Variants in LY6G5C observed in about 807,000 individuals in gnomAD.
LY6G5C encodes the protein lymphocyte antigen 6 family member G5C.
LY6G5C carries 6 observed loss-of-function variants against 10.5 expected under a neutral mutation model. The observed-to-expected ratio is 0.57, with a 90% CI of 0.31 to 1.12. The LOEUF (loss-of-function observed/expected upper bound fraction) is 1.12. LY6G5C is among the 50% of genes most tolerant of loss of function. The probability of loss-of-function intolerance (pLI) is 0.05; values close to 1 mark genes in which losing one functional copy is unlikely to be tolerated. For missense variants in LY6G5C, 160 were observed against 185.5 expected (o/e 0.86, Z 0.80); for synonymous variants, 69 against 67.8 (o/e 1.02, Z -0.09).
At position 31,679,001 on chromosome 6, in the gene LY6G5C, T is replaced by G; in HGVS notation, c.289+100A>C. 1 of 1,285,154 alleles carries G rather than the reference T, an allele frequency of 7.8e-7. No individual in the cohort carries two copies. Among genetic ancestry groups the G allele is most frequent in the Non-Finnish European group, 1.1e-6 (1 of 896,980 alleles). 79.6% of individuals were successfully genotyped at this position (1,285,154 alleles called of 1,614,324 possible). ...AAAAAGACAGGATTGGAGCAATGTC[T>G]TATGGGATTATGGGAACAAGACTTG... On this transcript the variant is annotated intron_variant, in intron 2 of 2. Coordinates refer to ENST00000383237, the Ensembl canonical transcript of LY6G5C. This position sits in a 1 kb window ranked among gnomAD's most constrained non-coding sequence, Gnocchi z 4.4.
chr6:31,680,714 G>A (rs1327041425), upstream of LY6G5C, among the ~76,000 whole-genome samples: 2 of 152,230 alleles, frequency 1.3e-5, no homozygotes, highest in African/African-American at 4.8e-5. The surrounding 1 kb of genome is among the most constrained non-coding windows in gnomAD (Gnocchi z 4.5). Context: ...TGTGGGGAGG[G>A]CAGAGTGCTG....
exon 3 of LY6G5C, chr6:31,676,863 A>G (rs13295): frequency 0.077 from 97,383 of 1,263,466 alleles, 4,464 homozygotes; most frequent in African/African-American, 0.16. Flanking sequence ...GAGGGCTGGT[A>G]TGAGGGACTA....
At chr6:31,680,456 A>C, upstream of LY6G5C, 185 of 1,485,188 alleles carry the variant, frequency 1.2e-4, no homozygotes, top group Non-Finnish European at 1.6e-4. The surrounding 1 kb of genome is among the most constrained non-coding windows in gnomAD (Gnocchi z 4.5). Context: ...ACACCAGCTC[A>C]GGGTGGAAAT....
chr6:31,678,980 AGAC>A (rs1191611759), intron 2 of LY6G5C, 118 bp downstream of exon 2: 13 of 1,133,980 alleles, frequency 1.1e-5, no homozygotes, highest in East Asian at 9.5e-5. Flanking sequence ...AAAAAAAAAA[AGAC>A]AGGATTGGAG....
upstream of LY6G5C, among the ~76,000 whole-genome samples, chr6:31,680,932 G>A (rs1409087984): frequency 6.6e-6 from 1 of 152,148 alleles, no homozygotes; most frequent in Non-Finnish European, 1.5e-5. This position sits in a 1 kb window ranked among gnomAD's most constrained non-coding sequence, Gnocchi z 4.5. Context: ...ACGAGGAAGC[G>A]GGGCTAATGA....
At position 31,679,075 on chromosome 6, in the gene LY6G5C, G is replaced by A. The variant is rs772244825; in HGVS notation, c.289+26C>T. The A allele has an allele frequency of 1.1e-5, 17 of 1,611,828 alleles. No homozygotes were observed. Among genetic ancestry groups the A allele is most frequent in the Non-Finnish European group, 1.4e-5 (17 of 1,179,088 alleles). ...GAGTTTCCGTTTGGGAGAGTGCTGG[G>A]CCCATGACAGGAGAAGGCCACTTAC... On this transcript the variant is annotated intron_variant, in intron 2 of 2. Transcript: ENST00000383237. The surrounding 1 kb of genome is among the most constrained non-coding windows in gnomAD (Gnocchi z 4.4).
intron 2 of LY6G5C, among the ~76,000 whole-genome samples, chr6:31,678,222 C>T (rs1053285194): frequency 1.3e-5 from 2 of 152,110 alleles, no homozygotes; most frequent in East Asian, 1.9e-4. Flanking sequence ...GGTGGGGGGT[C>T]GGTGGAAGAG....
At position 31,680,356 on chromosome 6, in the gene LY6G5C, G is replaced by T. The variant is rs569477925; in HGVS notation, c.18C>A (p.Gly6=). 6.7e-7 allele frequency: 1 copy of T among 1,498,276 alleles called. No homozygotes were observed. The allele number at this position is 1,498,276 out of a possible 1,614,324, so 92.8% of individuals were successfully genotyped here. Residue 6 remains glycine, a synonymous_variant, in exon 1 of 3, where the codon GGC becomes GGA. Transcript: ENST00000383237. The surrounding 1 kb of genome is among the most constrained non-coding windows in gnomAD (Gnocchi z 4.5). ...GACCCAGACTCTGGCTCCCTGCAGGGCCTGCCATAAAACGCATGACTGCCT... is the reference window on the plus strand; with the variant it reads ...GACCCAGACTCTGGCTCCCTGCAGGTCCTGCCATAAAACGCATGACTGCCT...
intron 2 of LY6G5C, among the ~76,000 whole-genome samples, chr6:31,677,973 G>T (rs1368131852): frequency 1.3e-5 from 2 of 152,122 alleles, no homozygotes; most frequent in Non-Finnish European, 2.9e-5. Context: ...ATGTTAAAAG[G>T]GTAGTAAGAG....
At chr6:31,677,387 C>T (rs1335257967) in intron 2 of LY6G5C, among the ~76,000 whole-genome samples, 1 of 151,974 alleles carries the variant, frequency 6.6e-6, no homozygotes, top group Non-Finnish European at 1.5e-5. Flanking sequence ...CACCATAGGA[C>T]CATGTGAGAA....
Position 31,679,456 on chromosome 6 carries a change from G to A in LY6G5C, c.122-188C>T. On this transcript the variant is annotated intron_variant, in intron 1 of 2. Transcript: ENST00000383237. The surrounding 1 kb of genome is among the most constrained non-coding windows in gnomAD (Gnocchi z 4.4). ...CATCCCCCTTTTCCTCTGGTCCTAAGGCCAGACCACATGTTAACAAATCCC... is the reference window on the plus strand; with the variant it reads ...CATCCCCCTTTTCCTCTGGTCCTAAAGCCAGACCACATGTTAACAAATCCC... 3.1e-6 allele frequency: 2 copies of A among 637,424 alleles called. No individual in the cohort carries two copies. Among genetic ancestry groups the A allele is most frequent in the South Asian group, 1.9e-5 (1 of 52,886 alleles). The allele number at this position is 637,424 out of a possible 1,614,324, so 39.5% of individuals were successfully genotyped here. A position where few individuals can be genotyped will look rare whatever the true frequency, so the allele number is the denominator to read the frequency against.
Position 31,677,824 on chromosome 6 carries a change from G to A in LY6G5C, c.290-704C>T, listed in dbSNP as rs770178994. Among the ~76,000 whole-genome samples, 42 of 152,194 alleles carry A rather than the reference G, an allele frequency of 2.8e-4. 1 individual carries two copies. Among genetic ancestry groups the A allele is most frequent in the Admixed American group, 7.2e-4 (11 of 15,274 alleles). ...TGTGCAGGGTGGAATGTGCATAAAA[G>A]ATTGCAGGAGGGATCATCCAGAAAG... On this transcript the variant is annotated intron_variant, in intron 2 of 2. Transcript: ENST00000383237.
At chr6:31,678,911 T>G (rs1802721797) in intron 2 of LY6G5C, among the ~76,000 whole-genome samples, 190 bp downstream of exon 2, 1 of 149,866 alleles carries the variant, frequency 6.7e-6, no homozygotes, top group African/African-American at 2.5e-5. Context: ...ACTGGAGAGG[T>G]GGAGGTTGCA....
chr6:31,676,889 C>T, exon 3 of LY6G5C: 1 of 1,516,732 alleles, frequency 6.6e-7, no homozygotes, highest in African/African-American at 1.4e-5. Context: ...CCTGGCCAAG[C>T]CCAGATAGAA....
rs1405503259 is a variant in LY6G5C at position 31,680,163 on chromosome 6, G to A, written c.121+90C>T. ...TCTCCTCCTGCATGGGTTTACCTGA[G>A]CATCCTGGACAGGTGTACCCAGACA... is the stretch of plus-strand genomic sequence containing the variant. On this transcript the variant is annotated intron_variant, in intron 1 of 2. Transcript: ENST00000383237. The surrounding 1 kb of genome is among the most constrained non-coding windows in gnomAD (Gnocchi z 4.5). The A allele has an allele frequency of 6.6e-7, 1 of 1,523,418 alleles. No homozygotes were observed. The highest frequency in any genetic ancestry group is 9.1e-7 in the Non-Finnish European group (1 of 1,102,506). 94.4% of individuals were successfully genotyped at this position (1,523,418 alleles called of 1,614,324 possible).
chr6:31,680,118 C>T lies in LY6G5C; in HGVS notation c.121+135G>A. ...TCAGTCCATGAGCAGGCATTCCCTA[C>T]CAAACCCATCTGTCCCATCTCTCCT... is the stretch of plus-strand genomic sequence containing the variant. On this transcript the variant is annotated intron_variant, in intron 1 of 2. Coordinates refer to ENST00000383237, the Ensembl canonical transcript of LY6G5C. This position sits in a 1 kb window ranked among gnomAD's most constrained non-coding sequence, Gnocchi z 4.5. The T allele has an allele frequency of 1.0e-6, 1 of 998,490 alleles. No individual in the cohort carries two copies. The highest frequency in any genetic ancestry group is 1.6e-6 in the Non-Finnish European group (1 of 640,096). 61.9% of individuals were successfully genotyped at this position (998,490 alleles called of 1,614,324 possible).
intron 2 of LY6G5C, among the ~76,000 whole-genome samples, chr6:31,677,754 G>C (rs912627558): frequency 3.9e-5 from 6 of 152,148 alleles, no homozygotes; most frequent in African/African-American, 1.4e-4. Context: ...CTACTATCTT[G>C]GGTTGGGGCG....
At chr6:31,676,928 A>G (rs1435638084) in exon 3 of LY6G5C, 21 of 1,602,788 alleles carry the variant, frequency 1.3e-5, no homozygotes, top group Non-Finnish European at 1.8e-5. Flanking sequence ...AACTGGTGGA[A>G]TTTTACACCA....
chr6:31,680,387 C>T (rs1261446119), upstream of LY6G5C: 1 of 1,605,012 alleles, frequency 6.2e-7, no homozygotes, highest in Non-Finnish European at 8.5e-7. This position sits in a 1 kb window ranked among gnomAD's most constrained non-coding sequence, Gnocchi z 4.5. Context: ...TGCCTGCTGG[C>T]CTCCAGTTTG....
Sources: allele counts gnomAD v4.1 joint callset (sites outside exome capture counted in the v4.1 genomes callset), GRCh38; gene constraint gnomAD v4.1.1; non-coding constraint Gnocchi (gnomAD v3.1); transcripts MANE v1.5; gene names NCBI Gene and HGNC (gene_info 2026-07-23, HGNC 2026-07-21).